The following SENP7 variants were observed in gnomAD, a reference collection of about 807,000 sequenced individuals.
SENP7 encodes SUMO specific peptidase 7, also known as sentrin-specific protease 7.
A neutral mutation model predicts 141.2 loss-of-function variants in SENP7; 64 were observed. The ratio of observed to expected loss-of-function variants is 0.45; its 90% confidence interval spans 0.37 to 0.56. The LOEUF (loss-of-function observed/expected upper bound fraction) is 0.56. Among genes scored for constraint, SENP7 ranks in the 20% least tolerant of loss-of-function variants. The pLI is 0.00. For synonymous variants in SENP7, 382 were observed against 426.4 expected (o/e 0.90, Z 1.28); for missense variants, 1,025 against 1,212.2 (o/e 0.85, Z 2.29).
chr3:101,372,043 C>G lies in SENP7; in HGVS notation c.761G>C (p.Gly254Ala). Residue 254 changes from glycine to alanine, a missense_variant, in exon 7 of 24, where the codon GGC (glycine) becomes GCC (alanine). Coordinates refer to ENST00000394095, the MANE Select transcript of SENP7 (RefSeq NM_020654.5). ...AGTATCAGATATTAAAAGAGAAATG[C>G]CATCATCCTTTCTTCGTTTTTCTTT... ...HNKEKRRKDD[G>A]ISLLISDTQP... 6.4e-7 allele frequency: 1 copy of G among 1,561,130 alleles called. No individual in the cohort carries two copies. The highest frequency in any genetic ancestry group is 2.3e-5 in the East Asian group (1 of 44,406).
intron 11 of SENP7, among the ~76,000 whole-genome samples, chr3:101,353,041 A>C (rs1445046751): frequency 6.6e-6 from 1 of 151,988 alleles, no homozygotes; most frequent in Non-Finnish European, 1.5e-5. Context: ...TTCCAGCTTT[A>C]GTAAGATCCT....
At chr3:101,488,914 G>C (rs1409742829) in intron 3 of SENP7, among the ~76,000 whole-genome samples, 1 of 152,100 alleles carries the variant, frequency 6.6e-6, no homozygotes, top group Non-Finnish European at 1.5e-5. Flanking sequence ...TAGAGAGAAG[G>C]GTCAGGTCAT....
In SENP7 at chr3:101,494,234, C is replaced by G. The variant is rs1267564259; in HGVS notation, c.91-266G>C. 2.0e-5 allele frequency among the ~76,000 whole-genome samples: 3 copies of G among 152,126 alleles called. No homozygotes were observed. In the East Asian group the frequency reaches 5.8e-4, roughly 29 times the overall value. ...GTCTGCTGTCTCTTCCCCTTTTAACCTTTCAAATGTCAGCCCCAGAGTTCT... is the reference window on the plus strand; with the variant it reads ...GTCTGCTGTCTCTTCCCCTTTTAACGTTTCAAATGTCAGCCCCAGAGTTCT... On this transcript the variant is annotated intron_variant, in intron 2 of 23. Transcript: ENST00000394095.
chr3:101,343,943 C>T lies in SENP7; in HGVS notation c.1849G>A (p.Glu617Lys), dbSNP rs1185302529. 6.4e-7 allele frequency: 1 copy of T among 1,568,030 alleles called. No homozygotes were observed. The highest frequency in any genetic ancestry group is 8.6e-7 in the Non-Finnish European group (1 of 1,157,718). ...TTGTGTAGTTCAAGGAAAATGAATT[C>T]ACTAGATTTTGCTACAAAAGGAAAA... ...SVLSQQSKSS[E>K]FIFLELHNPV... The change falls in exon 14 of 24, where the codon GAA (glutamate) becomes AAA (lysine). Residue 617 changes from glutamate (E) to lysine (K), a missense_variant. Glu to Lys is a moderately conservative substitution (Grantham distance 56). This residue lies in a region of SENP7 where 228 missense variants were observed against 228.5 expected (regional missense o/e 1.00). Transcript: ENST00000394095.
At chr3:101,396,873 T>A (rs1421941390) in intron 6 of SENP7, among the ~76,000 whole-genome samples, 1 of 152,204 alleles carries the variant, frequency 6.6e-6, no homozygotes, top group East Asian at 1.9e-4. Flanking sequence ...GATGAAATTT[T>A]GCTCTTGTTG....
intron 5 of SENP7, among the ~76,000 whole-genome samples, chr3:101,408,234 G>T (rs2061358956): frequency 6.6e-6 from 1 of 152,010 alleles, no homozygotes; most frequent in African/African-American, 2.4e-5. Flanking sequence ...AAATCGGGAA[G>T]AATTAGGTAC....
chr3:101,441,573 G>A (rs1468271369), intron 4 of SENP7, among the ~76,000 whole-genome samples: 2 of 152,058 alleles, frequency 1.3e-5, no homozygotes, highest in African/African-American at 4.8e-5. Context: ...CAATGCCCAA[G>A]TACATTGCCA....
In SENP7 at chr3:101,367,811, T is replaced by C. The variant is rs2060077382; in HGVS notation, c.978+19A>G. The C allele has an allele frequency of 1.4e-6, 2 of 1,445,010 alleles. No individual in the cohort carries two copies. The highest frequency in any genetic ancestry group is 2.1e-5 in the Admixed American group (1 of 47,230). 89.5% of individuals were successfully genotyped at this position (1,445,010 alleles called of 1,614,324 possible). On this transcript the variant is annotated intron_variant, in intron 8 of 23. Coordinates refer to ENST00000394095, the MANE Select transcript of SENP7 (RefSeq NM_020654.5). ...TAGCATGAAATTATTTCCTATAATA[T>C]CTAAATACCTCTACTTACTGTCTGT...
chr3:101,511,608 A>C (rs2065860892), intron 1 of SENP7, among the ~76,000 whole-genome samples: 1 of 152,190 alleles, frequency 6.6e-6, no homozygotes, highest in African/African-American at 2.4e-5. Flanking sequence ...TGTGCTTTCA[A>C]AGGAAAAAAC....
chr3:101,457,285 G>C, intron 4 of SENP7: 1 of 1,556,414 alleles, frequency 6.4e-7, no homozygotes, highest in African/African-American at 1.4e-5. Context: ...TTCTCCACAA[G>C]ATCAGGAACT....
intron 6 of SENP7, among the ~76,000 whole-genome samples, chr3:101,398,403 T>C (rs2061033422): frequency 6.6e-6 from 1 of 152,150 alleles, no homozygotes; most frequent in Admixed American, 6.5e-5. Context: ...GAGGTTGCAG[T>C]GAGCCGAGAT....
At chr3:101,404,780 G>A (rs577632553) in intron 5 of SENP7, among the ~76,000 whole-genome samples, 3 of 152,152 alleles carry the variant, frequency 2.0e-5, no homozygotes, top group South Asian at 4.2e-4. Context: ...GAACAGACAC[G>A]TTTCTAAAGA....
Position 101,348,037 on chromosome 3 carries a change from T to C in SENP7, c.1672A>G (p.Ile558Val). Residue 558 changes from isoleucine (I) to valine (V), a missense_variant, in exon 13 of 24, where the codon ATT becomes GTT. By Grantham distance (29) the Ile-to-Val change is conservative (BLOSUM62 3). Coordinates refer to ENST00000394095, the MANE Select transcript of SENP7 (RefSeq NM_020654.5). Reference sequence around the variant, plus strand: ...TGTGTGGTATCCACTAGCAATGAAATCTCATTCAGGGACACTGAAACAAAT... The same window carrying C: ...TGTGTGGTATCCACTAGCAATGAAACCTCATTCAGGGACACTGAAACAAAT... ...KIPFQVSLNE[I>V]SLLVDTTHLK... The C allele has an allele frequency of 5.0e-6, 8 of 1,589,064 alleles. No homozygotes were observed. The highest frequency in any genetic ancestry group is 6.8e-6 in the Non-Finnish European group (8 of 1,169,810).
At chr3:101,362,836 C>T (rs1014579987) in intron 10 of SENP7, among the ~76,000 whole-genome samples, 1 of 152,240 alleles carries the variant, frequency 6.6e-6, no homozygotes, top group Non-Finnish European at 1.5e-5. Flanking sequence ...ACTCAAGTGA[C>T]TATATAACTT....
chr3:101,340,051 G>A, intron 16 of SENP7, 44 bp downstream of exon 16: 1 of 1,484,370 alleles, frequency 6.7e-7, no homozygotes, highest in Non-Finnish European at 9.0e-7. Flanking sequence ...AAGTTTCTCA[G>A]TAAAATCTGT....
chr3:101,337,415 C>T (rs1437689107), intron 17 of SENP7, 94 bp downstream of exon 17: 1 of 849,204 alleles, frequency 1.2e-6, no homozygotes, highest in Non-Finnish European at 1.8e-6. Context: ...GTACTGCCTA[C>T]TTGAGGAAAT....
chr3:101,498,703 T>TTAAA lies in SENP7; in HGVS notation c.90+2366_90+2367insTTTA, dbSNP rs2065253831. Among the ~76,000 whole-genome samples, 8 of 152,246 alleles carry TTAAA rather than the reference T, an allele frequency of 5.3e-5. No homozygotes were observed. In the South Asian group the frequency reaches 1.7e-3, roughly 32 times the overall value. ...AATGATGTCTATAGTTTAAAGCAGG[T>TTAAA]GTGCCCAACCCCCAGGCCAAGGACA... On this transcript the variant is annotated intron_variant, in intron 2 of 23. Transcript: ENST00000394095.
intron 4 of SENP7, among the ~76,000 whole-genome samples, chr3:101,445,659 G>C (rs534376964): frequency 6.6e-6 from 1 of 151,736 alleles, no homozygotes; most frequent in Non-Finnish European, 1.5e-5. Context: ...CCTAGATAAA[G>C]ACACACATAA....
At chr3:101,456,832 G>A (rs1382472033) in intron 4 of SENP7, among the ~76,000 whole-genome samples, 3 of 152,084 alleles carry the variant, frequency 2.0e-5, no homozygotes, top group African/African-American at 7.2e-5. Context: ...TCGCCATGTT[G>A]CCTAAGCCGT....
Sources: allele counts gnomAD v4.1 joint callset (sites outside exome capture counted in the v4.1 genomes callset), GRCh38; gene constraint gnomAD v4.1.1; regional missense constraint gnomAD v4.1.1; transcripts MANE v1.5; gene names NCBI Gene and HGNC (gene_info 2026-07-23, HGNC 2026-07-21).